The following PPP5C variants were observed in gnomAD, a reference collection of about 807,000 sequenced individuals.
PPP5C encodes the protein protein phosphatase 5 catalytic subunit, also known as serine/threonine-protein phosphatase 5.
PPP5C carries 21 observed loss-of-function variants against 66.7 expected under a neutral mutation model. The observed-to-expected ratio is 0.31, with a 90% confidence interval of 0.22 to 0.45. The LOEUF (loss-of-function observed/expected upper bound fraction) is 0.45, where lower values mean the gene tolerates loss of function less well. PPP5C is among the 20% of genes least tolerant of loss of function. The pLI, the probability that PPP5C is intolerant of heterozygous loss-of-function variation, is 1.00. For missense variants in PPP5C, 464 were observed against 675.9 expected (o/e 0.69, Z 3.48); for synonymous variants, 246 against 257.4 (o/e 0.96, Z 0.43).
chr19:46,384,963 C>G, intron 7 of PPP5C, 54 bp downstream of exon 7: 2 of 1,324,602 alleles, frequency 1.5e-6, no homozygotes, highest in Non-Finnish European at 2.2e-6. Context: ...GAGTGGGGCA[C>G]TCACTCTGCA....
chr19:46,370,647 G>A (rs1972572889), intron 2 of PPP5C, among the ~76,000 whole-genome samples: 1 of 152,174 alleles, frequency 6.6e-6, no homozygotes, highest in Non-Finnish European at 1.5e-5. Context: ...CCAGGCAATA[G>A]GACTATTTCA....
chr19:46,375,484 G>A, intron 2 of PPP5C, 120 bp from the exon 3 acceptor site: 1 of 1,429,348 alleles, frequency 7.0e-7, no homozygotes, highest in Non-Finnish European at 9.4e-7. Flanking sequence ...TGCACCATCA[G>A]CACCTGGCGC....
rs149126562 is a variant in PPP5C, at chr19:46,353,662, A to G, written c.122-86A>G. 5.7e-4 allele frequency: 890 copies of G among 1,571,082 alleles called. 3 individuals are homozygous for G. In the African/African-American group the frequency reaches 0.01, roughly 18 times the overall value. ...GTAGCCCTCAGCTTCCCCATCTGTG[A>G]ACAGGGAGACTGGGCGTCACCCAGC... On this transcript the variant is annotated intron_variant, in intron 1 of 12. Transcript: ENST00000012443.
chr19:46,379,163 C>T (rs936917251), intron 4 of PPP5C, among the ~76,000 whole-genome samples: 1 of 152,256 alleles, frequency 6.6e-6, no homozygotes, highest in Non-Finnish European at 1.5e-5. Context: ...AAGTGATTCT[C>T]CTGCCTCAGC....
At position 46,388,154 on chromosome 19, in the gene PPP5C, T is replaced by A; in HGVS notation, c.1136-254T>A. On this transcript the variant is annotated intron_variant, in intron 9 of 12. Coordinates refer to ENST00000012443, the MANE Select transcript of PPP5C (RefSeq NM_006247.4). This position sits in a 1 kb window ranked among gnomAD's most constrained non-coding sequence, Gnocchi z 4.9. ...AGGGGCCTGATCTGAATAGTGACAT[T>A]GAAAGCTCTATCTGGCTTCGGGGCC... 2.1e-6 allele frequency: 1 copy of A among 484,214 alleles called. No individual in the cohort carries two copies. The highest frequency in any genetic ancestry group is 3.7e-6 in the Non-Finnish European group (1 of 270,508). 30.0% of individuals were successfully genotyped at this position (484,214 alleles called of 1,614,324 possible). A position where few individuals can be genotyped will look rare whatever the true frequency, so the allele number is the denominator to read the frequency against.
chr19:46,383,750 G>GGGC lies in PPP5C; in HGVS notation c.700-30_700-29insGGC. On this transcript the variant is annotated intron_variant, in intron 5 of 12. Transcript: ENST00000012443. The surrounding 1 kb of genome is among the most constrained non-coding windows in gnomAD (Gnocchi z 5.0). ...CCTCCCCACGTCTCTCTCTCGGCCC[G>GGGC]TCCCTCTCCGGTGGCCTCTTTTCTT... 3.3e-5 allele frequency: 51 copies of GGGC among 1,567,192 alleles called. No homozygotes were observed. Among genetic ancestry groups the GGGC allele is most frequent in the African/African-American group, 4.1e-5 (3 of 73,842 alleles).
chr19:46,363,569 C>G (rs1257384141), intron 2 of PPP5C, among the ~76,000 whole-genome samples: 2 of 151,472 alleles, frequency 1.3e-5, no homozygotes, highest in South Asian at 4.2e-4. Context: ...GCTGGGATTG[C>G]AGGCACGCAC....
At chr19:46,369,926 G>GAAA (rs58057964) in intron 2 of PPP5C, among the ~76,000 whole-genome samples, 3 of 144,030 alleles carry the variant, frequency 2.1e-5, no homozygotes, top group Admixed American at 7.0e-5. Flanking sequence ...ACTCCGTCTG[G>GAAA]AAAAAAAAAA....
In PPP5C at chr19:46,387,352, C is replaced by T. The variant is rs369272641; in HGVS notation, c.1048-14C>T. 1.4e-5 allele frequency: 23 copies of T among 1,606,424 alleles called. No homozygotes were observed. In the Admixed American group the frequency reaches 2.8e-4, roughly 20 times the overall value. On this transcript the variant is annotated splice_polypyrimidine_tract_variant and intron_variant, in intron 8 of 12. Coordinates refer to ENST00000012443, the MANE Select transcript of PPP5C (RefSeq NM_006247.4). The stretch of plus-strand genomic sequence containing the variant: ...TGGCACCTTCCCTCACAGCGGCATC[C>T]CCCATCTCCCCAGATCATGCACGGA...
At chr19:46,382,294 C>T (rs1159034669) in intron 4 of PPP5C, 1 of 152,236 alleles carries the variant, frequency 6.6e-6, no homozygotes, top group African/African-American at 2.4e-5. Flanking sequence ...GGGCTCCTTC[C>T]CCAAGGAAGG....
chr19:46,367,812 C>A (rs2077061390), intron 2 of PPP5C, among the ~76,000 whole-genome samples: 1 of 152,144 alleles, frequency 6.6e-6, no homozygotes, highest in South Asian at 2.1e-4. Context: ...GAAGCAAATC[C>A]ACAATTAGAA....
chr19:46,350,004 G>T (rs1425751699), intron 1 of PPP5C, among the ~76,000 whole-genome samples: 3 of 151,690 alleles, frequency 2.0e-5, no homozygotes, highest in Non-Finnish European at 4.4e-5. Flanking sequence ...GAAGGAGCCA[G>T]GGCTTTCTGG....
chr19:46,390,675 A>G lies in PPP5C; in HGVS notation c.*329A>G. ...CCCTCATTTGCATGGCTCCTCCCCCACTCAAGCAATAGGGCCCCGCCATAG... is the reference window on the plus strand; with the variant it reads ...CCCTCATTTGCATGGCTCCTCCCCCGCTCAAGCAATAGGGCCCCGCCATAG... On this transcript the variant is annotated 3_prime_UTR_variant, in exon 13 of 13. Coordinates refer to ENST00000012443, the MANE Select transcript of PPP5C (RefSeq NM_006247.4). The G allele has an allele frequency of 2.5e-6, 3 of 1,223,254 alleles. No individual in the cohort carries two copies. The highest frequency in any genetic ancestry group is 3.1e-6 in the Non-Finnish European group (3 of 967,812). The allele number at this position is 1,223,254 out of a possible 1,614,324, so 75.8% of individuals were successfully genotyped here. A position where few individuals can be genotyped will look rare whatever the true frequency, so the allele number is the denominator to read the frequency against.
chr19:46,383,337 C>T lies in PPP5C; in HGVS notation c.634-74C>T. On this transcript the variant is annotated intron_variant, in intron 4 of 12. Transcript: ENST00000012443. This position sits in a 1 kb window ranked among gnomAD's most constrained non-coding sequence, Gnocchi z 5.0. ...CCTCAGCCCAGCAGCGTCTCATGGG[C>T]AGTCCAGGCTTTCGGGGCCAGGTTG... 2 of 1,570,770 alleles carry T rather than the reference C, an allele frequency of 1.3e-6. No individual in the cohort carries two copies. Among genetic ancestry groups the T allele is most frequent in the African/African-American group, 1.4e-5 (1 of 73,712 alleles).
In PPP5C at chr19:46,390,271, C is replaced by T. The variant is rs1334014949; in HGVS notation, c.1438-13C>T. 2 of 1,593,204 alleles carry T rather than the reference C, an allele frequency of 1.3e-6. No homozygotes were observed. Among genetic ancestry groups the T allele is most frequent in the African/African-American group, 1.3e-5 (1 of 74,534 alleles). On this transcript the variant is annotated splice_polypyrimidine_tract_variant and intron_variant, in intron 12 of 12. Transcript: ENST00000012443. ...TCTGACTTCTGTCCATCCCACCTGC[C>T]CTGGTCCCACAGCCTCATCCCAACG...
chr19:46,374,320 G>A (rs144230596), intron 2 of PPP5C, among the ~76,000 whole-genome samples: 1 of 152,164 alleles, frequency 6.6e-6, no homozygotes, highest in South Asian at 2.1e-4. Flanking sequence ...ACGCTGCCAG[G>A]CTTTCCACCA....
Position 46,353,765 on chromosome 19 carries a change from G to A in PPP5C, c.139G>A (p.Ala47Thr). The change falls in exon 2 of 13, where the codon GCC becomes ACC. Residue 47 changes from alanine (A) to threonine (T), a missense_variant. Around this residue, in one of 2 missense-constraint regions of PPP5C, gnomAD observed 387 missense variants for 626.0 expected, o/e 0.62. Transcript: ENST00000012443. ...DYFKAKDYEN[A>T]IKFYSQAIEL... ...CTCCGCAGCCAAGGACTACGAGAAC[G>A]CCATCAAGTTCTACAGCCAGGCCAT... 1 of 1,614,122 alleles carries A rather than the reference G, an allele frequency of 6.2e-7. No individual in the cohort carries two copies. Among genetic ancestry groups the A allele is most frequent in the Non-Finnish European group, 8.5e-7 (1 of 1,180,020 alleles).
chr19:46,390,466 A>AAGTT lies in PPP5C; in HGVS notation c.*121_*124dup, dbSNP rs1972999229. 9 of 1,519,654 alleles carry AAGTT rather than the reference A, an allele frequency of 5.9e-6. No homozygotes were observed. The highest frequency in any genetic ancestry group is 1.4e-5 in the African/African-American group (1 of 72,432). The allele number at this position is 1,519,654 out of a possible 1,614,324, so 94.1% of individuals were successfully genotyped here. A position where few individuals can be genotyped will look rare whatever the true frequency, so the allele number is the denominator to read the frequency against. On this transcript the variant is annotated 3_prime_UTR_variant, in exon 13 of 13. Transcript: ENST00000012443. Reference sequence around the variant, plus strand: ...ATGTTGGACCCCCTTTTACTTTGTAAAGTTTGTATTTATTCCCCTTTAGGT... The same window carrying AAGTT: ...ATGTTGGACCCCCTTTTACTTTGTAAAGTTAGTTTGTATTTATTCCCCTTTAGGT...
chr19:46,379,705 G>A (rs1173898411), intron 4 of PPP5C, among the ~76,000 whole-genome samples: 1 of 152,080 alleles, frequency 6.6e-6, no homozygotes, highest in Non-Finnish European at 1.5e-5. Context: ...TTTTGAATGT[G>A]TGTGGCGAGG....
Sources: allele counts gnomAD v4.1 joint callset (sites outside exome capture counted in the v4.1 genomes callset), GRCh38; gene constraint gnomAD v4.1.1; regional missense constraint gnomAD v4.1.1; non-coding constraint Gnocchi (gnomAD v3.1); transcripts MANE v1.5; gene names NCBI Gene and HGNC (gene_info 2026-07-23, HGNC 2026-07-21).